Variants in ADGRL2 observed in about 807,000 individuals in gnomAD.
ADGRL2 encodes adhesion G protein-coupled receptor L2, also known as calcium-independent alpha-latrotoxin receptor 2.
A neutral mutation model predicts 157.4 loss-of-function variants in ADGRL2; 44 were observed. That is an observed-to-expected ratio of 0.28 (90% CI 0.22 to 0.36). The LOEUF (loss-of-function observed/expected upper bound fraction) is 0.36, where lower values mean the gene tolerates loss of function less well. Among genes scored for constraint, ADGRL2 ranks in the 10% least tolerant of loss-of-function variants. The probability of loss-of-function intolerance (pLI) is 1.00; values close to 1 mark genes in which losing one functional copy is unlikely to be tolerated. For synonymous variants in ADGRL2, 585 were observed against 624.7 expected (o/e 0.94, Z 0.95); for missense variants, 1,510 against 1,768.9 (o/e 0.85, Z 2.63).
intron 2 of ADGRL2, among the ~76,000 whole-genome samples, chr1:81,850,180 T>C (rs2092949123): frequency 6.6e-6 from 1 of 151,978 alleles, no homozygotes; most frequent in Non-Finnish European, 1.5e-5. Flanking sequence ...ATAGATCATT[T>C]TGAGGCTTAA....
At chr1:81,655,020 C>CT (rs1462216643) in intron 3 of ADGRL2, among the ~76,000 whole-genome samples, 1 of 152,176 alleles carries the variant, frequency 6.6e-6, no homozygotes, top group Non-Finnish European at 1.5e-5. Flanking sequence ...GTGATCTCAC[C>CT]TCACTGCAAC....
chr1:81,490,168 G>A (rs1241497889), intron 2 of ADGRL2, among the ~76,000 whole-genome samples: 1 of 121,700 alleles, frequency 8.2e-6, no homozygotes, highest in Admixed American at 9.4e-5. Flanking sequence ...TTTCGCTCTT[G>A]TTGCCCAGGC....
intron 2 of ADGRL2, among the ~76,000 whole-genome samples, chr1:81,531,415 G>A (rs371372200): frequency 6.6e-6 from 1 of 152,172 alleles, no homozygotes; most frequent in African/African-American, 2.4e-5. Context: ...CATTAGGGTA[G>A]GAATTCTCTC....
At chr1:81,963,077 T>C (rs1328610320) in intron 11 of ADGRL2, among the ~76,000 whole-genome samples, 1 of 152,094 alleles carries the variant, frequency 6.6e-6, no homozygotes, top group Non-Finnish European at 1.5e-5. Flanking sequence ...TTCATTTTTT[T>C]CTTAGGTCTT....
intron 2 of ADGRL2, among the ~76,000 whole-genome samples, chr1:81,892,822 A>G (rs1160173779): frequency 1.3e-5 from 2 of 152,172 alleles, no homozygotes; most frequent in Admixed American, 1.3e-4. Context: ...TTGAACATTA[A>G]AAAATGTAAA....
At chr1:81,654,035 C>T (rs1343811343) in intron 3 of ADGRL2, among the ~76,000 whole-genome samples, 2 of 151,950 alleles carry the variant, frequency 1.3e-5, no homozygotes, top group Non-Finnish European at 2.9e-5. Context: ...AACCTCCATC[C>T]CCCAGGTTCA....
chr1:81,926,587 C>T (rs1383145501), intron 3 of ADGRL2, among the ~76,000 whole-genome samples: 1 of 151,906 alleles, frequency 6.6e-6, no homozygotes, highest in African/African-American at 2.4e-5. Flanking sequence ...TTAAGTGATA[C>T]AGGTTGTAAT....
intron 13 of ADGRL2, 103 bp from the exon 14 acceptor site, chr1:81,967,923 C>A: frequency 2.1e-6 from 2 of 955,138 alleles, no homozygotes; most frequent in Non-Finnish European, 3.2e-6. Context: ...TAGTCTGAAA[C>A]ATGCAAAGTT....
chr1:81,649,105 C>G (rs1363689019), intron 3 of ADGRL2, among the ~76,000 whole-genome samples: 1 of 152,152 alleles, frequency 6.6e-6, no homozygotes, highest in East Asian at 1.9e-4. Flanking sequence ...CATTTTGGAA[C>G]TCTCCCACAT....
intron 1 of ADGRL2, among the ~76,000 whole-genome samples, chr1:81,402,175 C>T (rs111270758): frequency 1.2e-3 from 180 of 152,252 alleles, no homozygotes; most frequent in Middle Eastern, 6.8e-3. Flanking sequence ...TCACTATCTC[C>T]CTATACTGTG....
chr1:81,657,454 G>A (rs750926083), intron 3 of ADGRL2, among the ~76,000 whole-genome samples: 26 of 152,256 alleles, frequency 1.7e-4, no homozygotes, highest in Non-Finnish European at 3.1e-4. Context: ...CCCAGTCTAA[G>A]ATATTTTGTT....
chr1:81,358,887 T>A (rs1002358553), intron 1 of ADGRL2, among the ~76,000 whole-genome samples: 56 of 151,144 alleles, frequency 3.7e-4, no homozygotes, highest in African/African-American at 1.2e-3. Flanking sequence ...AGAGATCTAC[T>A]CCGTAGGATG....
At chr1:81,521,989 G>A (rs1327438153) in intron 2 of ADGRL2, among the ~76,000 whole-genome samples, 1 of 139,104 alleles carries the variant, frequency 7.2e-6, no homozygotes, top group East Asian at 2.1e-4. Flanking sequence ...TTTTGAGAAA[G>A]AGACTTGTTC....
At chr1:81,547,068 G>A (rs905456168) in intron 2 of ADGRL2, among the ~76,000 whole-genome samples, 14 of 152,006 alleles carry the variant, frequency 9.2e-5, no homozygotes, top group Non-Finnish European at 1.9e-4. Flanking sequence ...TTTATCTACC[G>A]TGAATGGCTT....
At chr1:81,594,708 T>C (rs2081198802) in intron 3 of ADGRL2, among the ~76,000 whole-genome samples, 1 of 152,196 alleles carries the variant, frequency 6.6e-6, no homozygotes, top group Non-Finnish European at 1.5e-5. Flanking sequence ...TAAAAATCCA[T>C]TTAAAAAATT....
intron 2 of ADGRL2, among the ~76,000 whole-genome samples, chr1:81,864,942 C>T (rs1438867957): frequency 3.9e-5 from 6 of 152,096 alleles, no homozygotes; most frequent in Non-Finnish European, 5.9e-5. Context: ...GCCAAGATCG[C>T]ACCACTACAC....
chr1:81,593,658 T>C (rs1348979647), intron 3 of ADGRL2, among the ~76,000 whole-genome samples: 2 of 152,164 alleles, frequency 1.3e-5, no homozygotes, highest in African/African-American at 4.8e-5. Flanking sequence ...TATTTGAAAA[T>C]ATAGTTAGAA....
At chr1:81,890,580 G>T (rs1277791076) in intron 2 of ADGRL2, among the ~76,000 whole-genome samples, 2 of 152,062 alleles carry the variant, frequency 1.3e-5, no homozygotes, top group Non-Finnish European at 2.9e-5. Context: ...AGTTGGGAGA[G>T]GTGGGGATTA....
chr1:81,805,890 A>C (rs1276831324), intron 1 of ADGRL2, among the ~76,000 whole-genome samples: 1 of 152,076 alleles, frequency 6.6e-6, no homozygotes. Flanking sequence ...ATTGCTCTTC[A>C]CTTTATGTGA....
Sources: allele counts gnomAD v4.1 joint callset (sites outside exome capture counted in the v4.1 genomes callset), GRCh38; gene constraint gnomAD v4.1.1; transcripts MANE v1.5; gene names NCBI Gene and HGNC (gene_info 2026-07-23, HGNC 2026-07-21).